The following CCDC178 variants were observed in gnomAD, a reference collection of about 807,000 sequenced individuals.
CCDC178 encodes the protein coiled-coil domain-containing protein 178.
CCDC178 carries 126 observed loss-of-function variants against 117.4 expected under a neutral mutation model. The observed-to-expected ratio is 1.07, with a 90% CI of 0.93 to 1.24. The LOEUF (loss-of-function observed/expected upper bound fraction) is 1.24, where lower values mean the gene tolerates loss of function less well. Among genes scored for constraint, CCDC178 ranks in the 50% most tolerant of loss-of-function variants. The pLI, the probability that CCDC178 is intolerant of heterozygous loss-of-function variation, is 0.00. For missense variants in CCDC178, 1,030 were observed against 986.9 expected (o/e 1.04, Z -0.59); for synonymous variants, 283 against 313.4 (o/e 0.90, Z 1.02).
In CCDC178 at chr18:33,420,022, A is replaced by C. The variant is rs191209898; in HGVS notation, c.-22-7912T>G. Among the ~76,000 whole-genome samples, 281 of 152,304 alleles carry C rather than the reference A, an allele frequency of 1.8e-3. 3 individuals carry two copies. The highest frequency in any genetic ancestry group is 1.2e-3 in the Non-Finnish European group (83 of 68,032). ...TGTTCATTGCAACACTATGCACAAT[A>C]GCAAAAACATGGAATCATCCCGAAT... On this transcript the variant is annotated intron_variant, in intron 2 of 22. Coordinates refer to ENST00000383096, the MANE Select transcript of CCDC178 (RefSeq NM_001105528.4).
intron 20 of CCDC178, among the ~76,000 whole-genome samples, chr18:33,103,582 TAA>T (rs1204805697): frequency 7.1e-6 from 1 of 140,840 alleles, no homozygotes. Context: ...TCGAAGTCCT[TAA>T]AAAAAAAAAA....
chr18:33,438,868 C>T (rs6507030), intron 2 of CCDC178, among the ~76,000 whole-genome samples: 149,089 of 152,246 alleles, frequency 0.98, 73,080 homozygotes, highest in South Asian at 1. Flanking sequence ...TTCTCATTAA[C>T]CTCATTAATC....
chr18:33,200,123 C>G (rs193126670), intron 20 of CCDC178, among the ~76,000 whole-genome samples: 2 of 152,318 alleles, frequency 1.3e-5, no homozygotes, highest in Non-Finnish European at 1.5e-5. Context: ...ATAGCTTCAT[C>G]AAATATCGTT....
intron 21 of CCDC178, among the ~76,000 whole-genome samples, chr18:32,977,788 A>G (rs2055058192): frequency 6.6e-6 from 1 of 152,168 alleles, no homozygotes; most frequent in African/African-American, 2.4e-5. Flanking sequence ...CTCTCAGAAT[A>G]CCTTATTATT....
intron 14 of CCDC178, among the ~76,000 whole-genome samples, chr18:33,246,809 T>TCC (rs1384874795): frequency 3.3e-5 from 5 of 151,698 alleles, no homozygotes; most frequent in Non-Finnish European, 7.4e-5. Flanking sequence ...AGCAAAGGCA[T>TCC]TGAGGAGAAC....
chr18:32,984,047 A>C (rs139320426), intron 21 of CCDC178, among the ~76,000 whole-genome samples: 218 of 152,134 alleles, frequency 1.4e-3, no homozygotes, highest in African/African-American at 5.0e-3. Context: ...TTTATTACCA[A>C]ATCCATTTCA....
chr18:33,285,683 T>TTG (rs931514565), intron 12 of CCDC178, among the ~76,000 whole-genome samples: 63 of 152,130 alleles, frequency 4.1e-4, no homozygotes, highest in Non-Finnish European at 7.4e-4. Context: ...ATATAATACA[T>TTG]CACCTCAATA....
intron 18 of CCDC178, among the ~76,000 whole-genome samples, chr18:33,219,898 G>A (rs1397221609): frequency 6.6e-6 from 1 of 151,918 alleles, no homozygotes; most frequent in Non-Finnish European, 1.5e-5. Context: ...TTGTGCACAT[G>A]TACCCTAGAA....
chr18:33,236,108 C>T (rs1235326289), intron 15 of CCDC178, among the ~76,000 whole-genome samples: 1 of 152,152 alleles, frequency 6.6e-6, no homozygotes, highest in Non-Finnish European at 1.5e-5. Flanking sequence ...TAAATTCTAC[C>T]TCTAGAGTTT....
rs187783219 is a variant in CCDC178 at position 33,146,081 on chromosome 18, A to C, written c.2239-53171T>G. Among the ~76,000 whole-genome samples, 171 of 152,320 alleles carry C rather than the reference A, an allele frequency of 1.1e-3. 1 individual carries two copies. Among genetic ancestry groups the C allele is most frequent in the Admixed American group, 3.0e-3 (46 of 15,292 alleles). ...TGGTATAGGCTAGAAAGATCATGAT[A>C]ACTTATACTAAAGATCAACAGCAGT... On this transcript the variant is annotated intron_variant, in intron 20 of 22. Coordinates refer to ENST00000383096, the MANE Select transcript of CCDC178 (RefSeq NM_001105528.4).
intron 15 of CCDC178, among the ~76,000 whole-genome samples, chr18:33,227,466 AACCCCTG>A (rs2059316091): frequency 6.6e-6 from 1 of 150,892 alleles, no homozygotes; most frequent in African/African-American, 2.4e-5. Context: ...TACATCTTGG[AACCCCTG>A]ATTTGAGGGA....
At chr18:33,179,899 T>A (rs1257203595) in intron 20 of CCDC178, among the ~76,000 whole-genome samples, 4 of 152,054 alleles carry the variant, frequency 2.6e-5, no homozygotes, top group African/African-American at 7.2e-5. Flanking sequence ...TTTCTTTTTT[T>A]AAAATTTTTT....
rs552808662 is a variant in CCDC178, at chr18:33,087,345, T to C, written c.2388+5416A>G. 3.9e-4 allele frequency among the ~76,000 whole-genome samples: 60 copies of C among 152,206 alleles called. 2 individuals are homozygous for C. The highest frequency in any genetic ancestry group is 2.9e-3 in the South Asian group (14 of 4,824). On this transcript the variant is annotated intron_variant, in intron 21 of 22. Coordinates refer to ENST00000383096, the MANE Select transcript of CCDC178 (RefSeq NM_001105528.4). ...CTCATGGAGTTTGGACAACAAAAGG[T>C]AGATTCACTGAGATAAAACAATAGT...
intron 11 of CCDC178, among the ~76,000 whole-genome samples, chr18:33,316,961 C>G (rs1599150855): frequency 6.6e-6 from 1 of 152,250 alleles, no homozygotes; most frequent in East Asian, 1.9e-4. Context: ...ACGCACCAAT[C>G]AGCACCCTGT....
chr18:33,334,186 T>C (rs1218521268), intron 9 of CCDC178, among the ~76,000 whole-genome samples: 4 of 152,170 alleles, frequency 2.6e-5, no homozygotes, highest in African/African-American at 9.6e-5. Flanking sequence ...TGCTTACCTA[T>C]ATATAAATAT....
intron 2 of CCDC178, among the ~76,000 whole-genome samples, chr18:33,432,949 ATAT>A (rs1269519549): frequency 2.6e-5 from 4 of 152,334 alleles, no homozygotes; most frequent in African/African-American, 9.6e-5. Flanking sequence ...AGAGAGACTG[ATAT>A]TATCAACTAT....
At chr18:33,200,865 T>C (rs2058982879) in intron 20 of CCDC178, among the ~76,000 whole-genome samples, 1 of 152,208 alleles carries the variant, frequency 6.6e-6, no homozygotes, top group South Asian at 2.1e-4. Context: ...GTGTTGCCTT[T>C]GTAATACGCT....
At chr18:33,058,513 A>C (rs2056866994) in intron 21 of CCDC178, among the ~76,000 whole-genome samples, 1 of 152,206 alleles carries the variant, frequency 6.6e-6, no homozygotes. Flanking sequence ...AAACCTCCTA[A>C]TTGATACATA....
chr18:33,001,437 G>T (rs1011437355), intron 21 of CCDC178, among the ~76,000 whole-genome samples: 16 of 151,770 alleles, frequency 1.1e-4, no homozygotes, highest in East Asian at 3.9e-4. Flanking sequence ...GGCGTGAACC[G>T]GGGAGGCAGA....
Sources: gnomAD v4.1 joint callset for allele counts (sites outside exome capture counted in the v4.1 genomes callset) on GRCh38, gnomAD v4.1.1 for gene constraint, MANE v1.5 for transcripts, NCBI Gene and HGNC (gene_info 2026-07-23, HGNC 2026-07-21) for gene names.